SGSM3: variants seen among roughly 807,000 people sequenced by gnomAD.
The protein encoded by SGSM3 is small G protein signaling modulator 3.
In SGSM3, 96 loss-of-function variants were observed where a neutral mutation model predicts 100.5. The observed-to-expected ratio is 0.96, with a 90% CI of 0.81 to 1.13. SGSM3 has a LOEUF of 1.13. SGSM3 is among the 50% of genes most tolerant of loss of function. The pLI, the probability that SGSM3 is intolerant of heterozygous loss-of-function variation, is 0.00. For missense variants in SGSM3, 1,001 were observed against 1,015.8 expected, an observed-to-expected ratio of 0.99 and a Z score of 0.20; for synonymous variants, 483 against 422.8, an observed-to-expected ratio of 1.14 and a Z score of -1.75.
chr22:40,381,297 A>C (rs994199760), intron 1 of SGSM3, among the ~76,000 whole-genome samples: 1 of 152,018 alleles, frequency 6.6e-6, no homozygotes, highest in Non-Finnish European at 1.5e-5. Context: ...ACAGGTGTGC[A>C]CCACCACACT....
At position 40,406,572 on chromosome 22, in the gene SGSM3, C is replaced by A; in HGVS notation, c.1095C>A (p.Ala365=). 6.2e-7 allele frequency: 1 copy of A among 1,612,942 alleles called. No individual in the cohort carries two copies. Among genetic ancestry groups the A allele is most frequent in the South Asian group, 1.1e-5 (1 of 91,046 alleles). Residue 365 remains alanine (A), a synonymous_variant, in exon 10 of 22, where the codon GCC becomes GCA. Transcript: ENST00000248929. The part of the protein sequence containing the change: ...MRLAGSLTDV[A]VETQRRKHLA... ...TGGCCGGCTCCCTCACCGATGTGGC[C>A]GTGGAGACTCAGCGCCGCAAGCACC...
chr22:40,403,319 G>C (rs1045666789), intron 4 of SGSM3, among the ~76,000 whole-genome samples: 2 of 152,158 alleles, frequency 1.3e-5, no homozygotes, highest in Admixed American at 1.3e-4. Context: ...AGGGGTTGCT[G>C]GGCTGCCACA....
intron 1 of SGSM3, among the ~76,000 whole-genome samples, chr22:40,386,912 T>C (rs1467939449): frequency 6.6e-6 from 1 of 152,166 alleles, no homozygotes; most frequent in Non-Finnish European, 1.5e-5. Context: ...AATTTATCTG[T>C]TTAATTTTGA....
At chr22:40,375,945 G>A (rs2046478923) in intron 1 of SGSM3, among the ~76,000 whole-genome samples, 1 of 151,780 alleles carries the variant, frequency 6.6e-6, no homozygotes, top group Non-Finnish European at 1.5e-5. Flanking sequence ...GGATGCTGAG[G>A]CAAGAGGATC....
chr22:40,374,061 T>C (rs2046092863), intron 1 of SGSM3, among the ~76,000 whole-genome samples: 1 of 152,178 alleles, frequency 6.6e-6, no homozygotes, highest in Admixed American at 6.5e-5. Context: ...TACGCCATTC[T>C]CCTGCCTCAG....
intron 1 of SGSM3, among the ~76,000 whole-genome samples, chr22:40,390,925 G>A (rs2049268534): frequency 6.6e-6 from 1 of 152,134 alleles, no homozygotes; most frequent in Non-Finnish European, 1.5e-5. Flanking sequence ...CAAACAGTCA[G>A]CCCCTGCCAC....
Position 40,409,036 on chromosome 22 carries a change from G to A in SGSM3, c.1988+18G>A, listed in dbSNP as rs2052136501. ...GGGCTCAAGTGAGTGTGGAAAAGGG[G>A]TTGGAGGAGAGCCCTGGAGTGGGGG... On this transcript the variant is annotated intron_variant, in intron 19 of 21. Coordinates refer to ENST00000248929, the MANE Select transcript of SGSM3 (RefSeq NM_015705.6). The A allele has an allele frequency of 6.4e-7, 1 of 1,556,868 alleles. No individual in the cohort carries two copies. The highest frequency in any genetic ancestry group is 8.7e-7 in the Non-Finnish European group (1 of 1,150,472).
Position 40,406,191 on chromosome 22 carries a change from T to C in SGSM3, c.928T>C (p.Phe310Leu). ...LFFYEGSRVL[F>L]QLTLGMLHLK... is the part of the protein sequence containing the mutation. ...TTTCTACGAGGGCTCCCGGGTGCTG[T>C]TCCAGCTCACGCTGGGCATGCTGCA... The change falls in exon 9 of 22, where the codon TTC (phenylalanine) becomes CTC (leucine). Residue 310 changes from phenylalanine to leucine, a missense_variant. Transcript: ENST00000248929. 1.2e-6 allele frequency: 2 copies of C among 1,614,106 alleles called. No individual in the cohort carries two copies. The highest frequency in any genetic ancestry group is 1.7e-4 in the Middle Eastern group (1 of 6,058).
chr22:40,405,797 T>C lies in SGSM3; in HGVS notation c.767T>C (p.Val256Ala). Residue 256 changes from valine (V) to alanine (A), a missense_variant, in exon 8 of 22, where the codon GTC becomes GCC. Physicochemically the swap from Val to Ala is moderately conservative, Grantham distance 64. Transcript: ENST00000248929. ...TDQRVLRHLI[V>A]QYLPRLDKLL... ...CAGCGGGTCCTGCGCCACCTCATTGTCCAGTACCTGCCTCGCCTGGACAAG... is the reference window on the plus strand; with the variant it reads ...CAGCGGGTCCTGCGCCACCTCATTGCCCAGTACCTGCCTCGCCTGGACAAG... The C allele has an allele frequency of 6.2e-7, 1 of 1,613,540 alleles. No individual in the cohort carries two copies. The highest frequency in any genetic ancestry group is 8.5e-7 in the Non-Finnish European group (1 of 1,179,918).
intron 1 of SGSM3, among the ~76,000 whole-genome samples, chr22:40,371,022 C>T (rs1296392594): frequency 1.3e-5 from 2 of 152,222 alleles, no homozygotes; most frequent in African/African-American, 4.8e-5. Context: ...AAAACCGCGC[C>T]TGAGGCGGGG....
intron 2 of SGSM3, 128 bp from the exon 3 acceptor site, chr22:40,401,465 C>T: frequency 3.1e-6 from 2 of 647,684 alleles, no homozygotes; most frequent in Admixed American, 1.9e-5. Context: ...AGGCTGGTCT[C>T]AAACTCCTGA....
Position 40,406,667 on chromosome 22 carries a change from C to T in SGSM3, c.1185+5C>T. 1 of 1,604,678 alleles carries T rather than the reference C, an allele frequency of 6.2e-7. No homozygotes were observed. The highest frequency in any genetic ancestry group is 1.1e-5 in the South Asian group (1 of 90,390). On this transcript the variant is annotated splice_donor_5th_base_variant and intron_variant, in intron 10 of 21. Transcript: ENST00000248929. The stretch of plus-strand genomic sequence containing the variant: ...ACCCTCACCAACCTCTCTCAGGTGG[C>T]CCAGGATGGGGGGCCGCACCTTGAC...
intron 1 of SGSM3, among the ~76,000 whole-genome samples, chr22:40,384,737 C>A (rs1397902468): frequency 1.3e-5 from 2 of 152,078 alleles, no homozygotes; most frequent in African/African-American, 4.8e-5. Context: ...GCTGAGATAG[C>A]GCCATTGCAC....
chr22:40,408,690 A>G lies in SGSM3; in HGVS notation c.1846A>G (p.Thr616Ala). Residue 616 changes from threonine to alanine, a missense_variant, in exon 17 of 22, where the codon ACC (threonine) becomes GCC (alanine). Transcript: ENST00000248929. ...GTATTCCCGTCTGGTGCTCTGTAAG[A>G]CCTTCAGGTAACTCGGCCCGGGTTC... is the stretch of plus-strand genomic sequence containing the variant. ...SVYSRLVLCK[T>A]FRLDEDGKVL... 6.2e-7 allele frequency: 1 copy of G among 1,613,904 alleles called. No individual in the cohort carries two copies. Among genetic ancestry groups the G allele is most frequent in the South Asian group, 1.1e-5 (1 of 91,084 alleles).
chr22:40,373,695 A>G (rs993001793), intron 1 of SGSM3, among the ~76,000 whole-genome samples: 1 of 152,158 alleles, frequency 6.6e-6, no homozygotes, highest in African/African-American at 2.4e-5. Context: ...GGCTCACTGC[A>G]ATCTCTGCCT....
chr22:40,380,904 C>G (rs1433882696), intron 1 of SGSM3, among the ~76,000 whole-genome samples: 1 of 152,028 alleles, frequency 6.6e-6, no homozygotes, highest in Non-Finnish European at 1.5e-5. Flanking sequence ...CACTTCCCTC[C>G]AGCCTGGACA....
rs1473849853 is a variant in SGSM3, at chr22:40,407,203, G to T, written c.1243G>T (p.Glu415Ter). 6.2e-7 allele frequency: 1 copy of T among 1,613,648 alleles called. No homozygotes were observed. The highest frequency in any genetic ancestry group is 8.5e-7 in the Non-Finnish European group (1 of 1,179,964). The part of the protein sequence containing the change: ...KSTITALLFG[E>*]DDLEALKAKN... ...CCATGGTTCTCTGGGCCTCCTAGGG[G>T]AGGATGACCTGGAGGCACTCAAGGC... is the stretch of plus-strand genomic sequence containing the variant. Residue 415 changes from glutamate to a stop codon, truncating the protein, a stop_gained and splice_region_variant, in exon 12 of 22, where the codon GAG (glutamate) becomes TAG (stop). Coordinates refer to ENST00000248929, the MANE Select transcript of SGSM3 (RefSeq NM_015705.6). LOFTEE classifies it high-confidence loss of function. This position sits in a 1 kb window ranked among gnomAD's most constrained non-coding sequence, Gnocchi z 4.7.
chr22:40,408,100 C>A lies in SGSM3; in HGVS notation c.1609C>A (p.Leu537Met). The change falls in exon 15 of 22, where the codon CTG becomes ATG. Residue 537 changes from leucine (L) to methionine (M), a missense_variant. Leu to Met is a conservative substitution (Grantham distance 15, BLOSUM62 2). Coordinates refer to ENST00000248929, the MANE Select transcript of SGSM3 (RefSeq NM_015705.6). ...GTTTCCAGCCAAGTTCGTGGAAGTC[C>A]TGGATGAGCGCAGCAAAGAGGTGAG... Reference protein sequence around the residue: ...GWFPAKFVEVLDERSKEYSIA... With the variant: ...GWFPAKFVEVMDERSKEYSIA... 1 of 1,606,022 alleles carries A rather than the reference C, an allele frequency of 6.2e-7. No homozygotes were observed. Among genetic ancestry groups the A allele is most frequent in the South Asian group, 1.1e-5 (1 of 90,890 alleles).
chr22:40,407,783 G>C lies in SGSM3; in HGVS notation c.1525-6G>C, dbSNP rs936288688. 3 of 1,613,982 alleles carry C rather than the reference G, an allele frequency of 1.9e-6. No homozygotes were observed. In the African/African-American group the frequency reaches 4.0e-5, roughly 22 times the overall value. ...TTTGGTTCCTGCTGTTTTTCCTCCT[G>C]TGCAGATCGTGTCTCAGAAGGACGA... On this transcript the variant is annotated splice_region_variant and splice_polypyrimidine_tract_variant and intron_variant, in intron 13 of 21. Transcript: ENST00000248929. The surrounding 1 kb of genome is among the most constrained non-coding windows in gnomAD (Gnocchi z 4.7).
Sources: gnomAD v4.1 joint callset for allele counts (sites outside exome capture counted in the v4.1 genomes callset) on GRCh38, gnomAD v4.1.1 for gene constraint, Gnocchi (gnomAD v3.1) non-coding constraint, MANE v1.5 for transcripts, NCBI Gene and HGNC (gene_info 2026-07-23, HGNC 2026-07-21) for gene names.